The following PLXNB2 variants were observed in gnomAD, a reference collection of about 807,000 sequenced individuals.
PLXNB2 encodes plexin B2, also known as plexin-B2.
In PLXNB2, 85 loss-of-function variants were observed where a neutral mutation model predicts 202.6. That is an observed-to-expected ratio of 0.42 (90% CI 0.35 to 0.50). The LOEUF (loss-of-function observed/expected upper bound fraction) is 0.50, where lower values mean the gene tolerates loss of function less well. Among genes scored for constraint, PLXNB2 ranks in the 20% least tolerant of loss-of-function variants. The pLI, the probability that PLXNB2 is intolerant of heterozygous loss-of-function variation, is 0.02. For missense variants in PLXNB2, 2,063 were observed against 2,586.2 expected, an observed-to-expected ratio of 0.80 and a Z score of 4.39; for synonymous variants, 1,239 against 1,137.6, an observed-to-expected ratio of 1.09 and a Z score of -1.79.
At position 50,282,223 on chromosome 22, in the gene PLXNB2, C is replaced by T; in HGVS notation, c.3078G>A (p.Trp1026Ter). Residue 1026 changes from tryptophan to a stop codon, truncating the protein, a stop_gained, in exon 19 of 37, where the codon TGG becomes TGA. Coordinates refer to ENST00000359337, the MANE Select transcript of PLXNB2 (RefSeq NM_012401.4). LOFTEE classifies it high-confidence loss of function. ...GGGATTCAGCCTCCCGCGGCGGCTGCCAGGACTGCAGGGGCTCCGCGATGA... is the reference window on the plus strand; with the variant it reads ...GGGATTCAGCCTCCCGCGGCGGCTGTCAGGACTGCAGGGGCTCCGCGATGA... ...MVVIAEPLQS[W>*]QPPREAESLQ... is the part of the protein sequence containing the mutation. The T allele has an allele frequency of 6.2e-7, 1 of 1,612,178 alleles. No individual in the cohort carries two copies. The highest frequency in any genetic ancestry group is 1.6e-4 in the Middle Eastern group (1 of 6,062).
intron 1 of PLXNB2, among the ~76,000 whole-genome samples, chr22:50,307,282 G>A (rs2067922290): frequency 6.6e-6 from 1 of 152,080 alleles, no homozygotes; most frequent in African/African-American, 2.4e-5. Flanking sequence ...GCGGAGGAGG[G>A]ATCCGACGCG....
chr22:50,283,804 A>G lies in PLXNB2; in HGVS notation c.2421+29T>C, dbSNP rs145506041. On this transcript the variant is annotated intron_variant, in intron 14 of 36. Coordinates refer to ENST00000359337, the MANE Select transcript of PLXNB2 (RefSeq NM_012401.4). ...AGGGGCTCATGCCAGGGACGAGGGA[A>G]GGTGTAGGCCAGGCTTCGAGGGGCT... 6.5e-5 allele frequency: 104 copies of G among 1,612,200 alleles called. No homozygotes were observed. In the Middle Eastern group the frequency reaches 1.7e-3, roughly 26 times the overall value.
In PLXNB2 at chr22:50,289,272, A is replaced by G; in HGVS notation, c.1069-130T>C. Reference sequence around the variant, plus strand: ...ACGTCCTACACACGTCCCCGAGAACAGAACCCACATGGCAGGGAGCCCCAC... The same window carrying G: ...ACGTCCTACACACGTCCCCGAGAACGGAACCCACATGGCAGGGAGCCCCAC... On this transcript the variant is annotated intron_variant, in intron 3 of 36. Transcript: ENST00000359337. The surrounding 1 kb of genome is among the most constrained non-coding windows in gnomAD (Gnocchi z 8.0). The G allele has an allele frequency of 1.0e-6, 1 of 976,724 alleles. No homozygotes were observed. The highest frequency in any genetic ancestry group is 1.5e-6 in the Non-Finnish European group (1 of 680,360). 60.5% of individuals were successfully genotyped at this position (976,724 alleles called of 1,614,324 possible).
chr22:50,301,617 C>T (rs1229812433), intron 1 of PLXNB2, among the ~76,000 whole-genome samples: 5 of 152,190 alleles, frequency 3.3e-5, no homozygotes, highest in African/African-American at 1.2e-4. Context: ...TCCCCCTTTC[C>T]AGCTCAACCC....
chr22:50,292,066 G>A (rs1400789772), intron 2 of PLXNB2, among the ~76,000 whole-genome samples: 4 of 152,180 alleles, frequency 2.6e-5, no homozygotes, highest in South Asian at 4.1e-4. Context: ...TGCCAGGCCC[G>A]GTGGCTCACG....
chr22:50,300,626 C>T (rs1407864089), intron 1 of PLXNB2, among the ~76,000 whole-genome samples: 1 of 152,240 alleles, frequency 6.6e-6, no homozygotes, highest in Non-Finnish European at 1.5e-5. Context: ...CAGCGGTCCC[C>T]GCTGGACTCT....
Position 50,288,044 on chromosome 22 carries a change from C to T in PLXNB2, c.1381-7G>A. 1.9e-6 allele frequency: 3 copies of T among 1,552,010 alleles called. No individual in the cohort carries two copies. The highest frequency in any genetic ancestry group is 2.6e-6 in the Non-Finnish European group (3 of 1,147,960). On this transcript the variant is annotated splice_polypyrimidine_tract_variant and splice_region_variant and intron_variant, in intron 5 of 36. Coordinates refer to ENST00000359337, the MANE Select transcript of PLXNB2 (RefSeq NM_012401.4). The surrounding 1 kb of genome is among the most constrained non-coding windows in gnomAD (Gnocchi z 5.0). ...GCACCGGCAGCCGGAACACCTAGGG[C>T]AGCGGGGCCGTGAGTGGGACCACAG...
rs111349845 is a variant in PLXNB2 at position 50,299,306 on chromosome 22, G to T, written c.-73-4528C>A. ...ACACAGGCCCTGCGTGGGGTGGGGG[G>T]GGGGCCCGGTGCGGGGGCGGGGGAA... On this transcript the variant is annotated intron_variant, in intron 1 of 36. Coordinates refer to ENST00000359337, the MANE Select transcript of PLXNB2 (RefSeq NM_012401.4). Among the ~76,000 whole-genome samples, 264 of 139,784 alleles carry T rather than the reference G, an allele frequency of 1.9e-3. 2 individuals carry two copies. Among genetic ancestry groups the T allele is most frequent in the African/African-American group, 6.4e-3 (252 of 39,430 alleles). 91.7% of individuals were successfully genotyped at this position (139,784 alleles called of 152,430 possible).
intron 26 of PLXNB2, 50 bp from the exon 27 acceptor site, chr22:50,279,826 G>C: frequency 6.2e-7 from 1 of 1,603,920 alleles, no homozygotes; most frequent in Middle Eastern, 1.7e-4. Context: ...TTGGGGCCTG[G>C]AAGGGGCCCC....
In PLXNB2 at chr22:50,290,014, TCCGGTCCAACAG is replaced by T; in HGVS notation, c.559_570del (p.Leu187_Arg190del). On this transcript the variant is annotated inframe_deletion, in exon 3 of 37. Transcript: ENST00000359337. ...GCTTCAAAGGCCTCCCTGCTGTCAG[TCCGGTCCAACAG>T]CCGAGTGCTCACGATGATGCCGTTG... 2 of 1,613,410 alleles carry T rather than the reference TCCGGTCCAACAG, an allele frequency of 1.2e-6. No individual in the cohort carries two copies. Among genetic ancestry groups the T allele is most frequent in the Non-Finnish European group, 1.7e-6 (2 of 1,180,016 alleles).
At position 50,281,941 on chromosome 22, in the gene PLXNB2, G is replaced by A. The variant is rs377438136; in HGVS notation, c.3258C>T (p.Ala1086=). 2.4e-5 allele frequency: 39 copies of A among 1,613,138 alleles called. No homozygotes were observed. The highest frequency in any genetic ancestry group is 5.3e-5 in the African/African-American group (4 of 75,038). Residue 1086 remains alanine (A), a synonymous_variant, in exon 20 of 37, where the codon GCC becomes GCT. Coordinates refer to ENST00000359337, the MANE Select transcript of PLXNB2 (RefSeq NM_012401.4). ...GGTCAGGCACGTACTCGAAGGCCCC[G>A]GCCTCTGTTCTGAGCAGGGCACGGT... ...DGHRALLRTE[A]GAFEYVPDPT...
intron 1 of PLXNB2, among the ~76,000 whole-genome samples, chr22:50,304,657 C>G (rs568914819): frequency 3.3e-5 from 5 of 152,048 alleles, no homozygotes; most frequent in Admixed American, 2.6e-4. Context: ...GAGCACCCCC[C>G]ACCAGCCAAG....
At chr22:50,302,556 C>T (rs1001247333) in intron 1 of PLXNB2, among the ~76,000 whole-genome samples, 21 of 152,230 alleles carry the variant, frequency 1.4e-4, no homozygotes, top group Admixed American at 9.1e-4. Context: ...TGGGCCTGGG[C>T]GGCCTGCCTG....
intron 6 of PLXNB2, 35 bp from the exon 7 acceptor site, chr22:50,287,828 G>A (rs753339237): frequency 1.1e-5 from 17 of 1,595,532 alleles, no homozygotes; most frequent in Non-Finnish European, 1.4e-5. Context: ...GCCCAGGGTG[G>A]AGTCTTGTTC....
At chr22:50,287,909 G>A (rs769949111) in intron 6 of PLXNB2, 28 bp downstream of exon 6, 24 of 1,578,570 alleles carry the variant, frequency 1.5e-5, no homozygotes, top group East Asian at 7.0e-5. Flanking sequence ...GAGGCAGGCC[G>A]TGTCCCCGAG....
At chr22:50,304,217 C>T (rs2067805542) in intron 1 of PLXNB2, among the ~76,000 whole-genome samples, 1 of 152,214 alleles carries the variant, frequency 6.6e-6, no homozygotes, top group Non-Finnish European at 1.5e-5. Flanking sequence ...CCTGCAGTAC[C>T]ACCAGGGGCA....
At chr22:50,300,628 C>A (rs2067629206) in intron 1 of PLXNB2, among the ~76,000 whole-genome samples, 1 of 152,212 alleles carries the variant, frequency 6.6e-6, no homozygotes, top group African/African-American at 2.4e-5. Flanking sequence ...GCGGTCCCCG[C>A]TGGACTCTCG....
At chr22:50,283,292 C>G (rs758377870) in intron 16 of PLXNB2, 45 bp downstream of exon 16, 27 of 1,608,676 alleles carry the variant, frequency 1.7e-5, no homozygotes, top group Non-Finnish European at 2.3e-5. Context: ...AGCCCCTCCT[C>G]CCGGTCCTCC....
At position 50,279,747 on chromosome 22, in the gene PLXNB2, G is replaced by A. The variant is rs751630630; in HGVS notation, c.4272C>T (p.Leu1424=). The change falls in exon 27 of 37, where the codon CTC becomes CTT. Residue 1424 remains leucine (L), a synonymous_variant. Transcript: ENST00000359337. ...KDSAGEPLYK[L]FKAIKHQVEK... is the part of the protein sequence containing the mutation. ...CCACCTGATGTTTGATGGCCTTGAAGAGCTTGTACAGGGGCTCCCCGGCAC... is the reference window on the plus strand; with the variant it reads ...CCACCTGATGTTTGATGGCCTTGAAAAGCTTGTACAGGGGCTCCCCGGCAC... 1.9e-6 allele frequency: 3 copies of A among 1,614,014 alleles called. No homozygotes were observed. The highest frequency in any genetic ancestry group is 3.3e-5 in the Admixed American group (2 of 60,026).
Sources: gnomAD v4.1 joint callset for allele counts (sites outside exome capture counted in the v4.1 genomes callset) on GRCh38, gnomAD v4.1.1 for gene constraint, Gnocchi (gnomAD v3.1) non-coding constraint, MANE v1.5 for transcripts, NCBI Gene and HGNC (gene_info 2026-07-23, HGNC 2026-07-21) for gene names.